Variants in NF1 observed in about 807,000 individuals in gnomAD.
NF1 encodes neurofibromin 1, also known as neurofibromin.
Under a neutral mutation model 325.7 loss-of-function variants are expected in NF1, and 122 were observed. The ratio of observed to expected loss-of-function variants is 0.37; its 90% CI spans 0.32 to 0.44. The LOEUF is 0.44. Among genes scored for constraint, NF1 ranks in the 20% least tolerant of loss-of-function variants. The pLI, the probability that NF1 is intolerant of heterozygous loss-of-function variation, is 1.00. For synonymous variants in NF1, 1,091 were observed against 1,186.0 expected (o/e 0.92, Z 1.65); for missense variants, 2,140 against 3,415.4 (o/e 0.63, Z 9.31).
chr17:31,227,714 T>C (rs534040622), intron 20 of NF1, 108 bp downstream of exon 20: 211 of 933,506 alleles, frequency 2.3e-4, no homozygotes, highest in East Asian at 8.2e-4. Flanking sequence ...TATAGCTGTG[T>C]GAAGACTGAT....
chr17:31,305,599 T>C, intron 36 of NF1: 5 of 1,612,056 alleles, frequency 3.1e-6, no homozygotes, highest in Non-Finnish European at 4.2e-6. Flanking sequence ...GATGAAATAT[T>C]TGGGATCCAT....
At chr17:31,146,085 C>A (rs1488337483) in intron 1 of NF1, among the ~76,000 whole-genome samples, 1 of 152,158 alleles carries the variant, frequency 6.6e-6, no homozygotes, top group Non-Finnish European at 1.5e-5. Context: ...TACTATCTTA[C>A]AATTTCTGTG....
At chr17:31,110,325 T>G (rs1206200351) in intron 1 of NF1, among the ~76,000 whole-genome samples, 1 of 152,134 alleles carries the variant, frequency 6.6e-6, no homozygotes, top group Admixed American at 6.5e-5. Context: ...GAAGAGATCT[T>G]TATAGGTGAG....
chr17:31,130,174 G>C (rs1213750667), intron 1 of NF1, among the ~76,000 whole-genome samples: 1 of 151,736 alleles, frequency 6.6e-6, no homozygotes, highest in Non-Finnish European at 1.5e-5. Context: ...AGGGGCCAGG[G>C]CTCATCTCAG....
intron 5 of NF1, among the ~76,000 whole-genome samples, chr17:31,173,974 C>G (rs2065975466): frequency 6.6e-6 from 1 of 152,140 alleles, no homozygotes; most frequent in Non-Finnish European, 1.5e-5. Flanking sequence ...CAAAGGGGTA[C>G]TTTTAAAAAC....
rs141825380 is a variant in NF1 at position 31,359,203 on chromosome 17, G to A, written c.8160+188G>A. On this transcript the variant is annotated intron_variant, in intron 56 of 57. Coordinates refer to ENST00000358273, the MANE Select transcript of NF1 (RefSeq NM_001042492.3). ...CCAGGAGGCAGCATGGTGTTGGGGT[G>A]TGTGTATTCACTTTTACAAACAAAG... 3.0e-4 allele frequency: 172 copies of A among 570,206 alleles called. 1 individual carries two copies. The East Asian group carries it at 5.0e-3, about 17-fold the overall frequency. The allele number at this position is 570,206 out of a possible 1,614,324, so 35.3% of individuals were successfully genotyped here.
intron 12 of NF1, among the ~76,000 whole-genome samples, chr17:31,212,419 C>T (rs1285892941): frequency 6.6e-6 from 1 of 152,168 alleles, no homozygotes; most frequent in Non-Finnish European, 1.5e-5. Flanking sequence ...ACAAAGTATA[C>T]TATAGTAGGC....
In NF1 at chr17:31,227,570, C is replaced by T. The variant is rs1033227891; in HGVS notation, c.2373C>T (p.Ile791=). 6.2e-7 allele frequency: 1 copy of T among 1,613,824 alleles called. No individual in the cohort carries two copies. Among genetic ancestry groups the T allele is most frequent in the Non-Finnish European group, 8.5e-7 (1 of 1,179,828 alleles). The change falls in exon 20 of 58, where the codon ATC becomes ATT. Residue 791 remains isoleucine, a synonymous_variant. Transcript: ENST00000358273. ...AATGGGAACAAGCAACAAAGCTAAT[C>T]CTTAACTATCCAAAAGCCAAAATGG... is the stretch of plus-strand genomic sequence containing the variant. ...HAKWEQATKL[I]LNYPKAKMED...
At chr17:31,325,132 A>G (rs1016864175) in intron 36 of NF1, among the ~76,000 whole-genome samples, 2 of 152,150 alleles carry the variant, frequency 1.3e-5, no homozygotes, top group African/African-American at 4.8e-5. Context: ...GGCTTATGTA[A>G]CTGAGCAGTC....
chr17:31,341,617 G>GTGTGTGTGTGTGTGTA (rs35130430), intron 47 of NF1, among the ~76,000 whole-genome samples: 2,429 of 148,340 alleles, frequency 0.016, 49 homozygotes, highest in South Asian at 0.076. Context: ...GTGTGTGTGT[G>GTGTGTGTGTGTGTGTA]TGTACACACA....
intron 1 of NF1, among the ~76,000 whole-genome samples, chr17:31,152,329 GT>G (rs1917002946): frequency 6.6e-6 from 1 of 151,286 alleles, no homozygotes; most frequent in South Asian, 2.1e-4. Flanking sequence ...ACAGTTTCAA[GT>G]TTTTAAAAAT....
Position 31,233,189 on chromosome 17 carries a change from C to T in NF1, c.3684C>T (p.Ala1228=), listed in dbSNP as rs200276071. 8.7e-6 allele frequency: 14 copies of T among 1,614,084 alleles called. No individual in the cohort carries two copies. In the South Asian group the frequency reaches 1.4e-4, roughly 16 times the overall value. Residue 1228 remains alanine (A), a synonymous_variant, in exon 27 of 58, where the codon GCC becomes GCT. Transcript: ENST00000358273. ...AACTCCCTATAGCGATGGCTCTGGC[C>T]AATGTGGTTCCTTGTTCTCAGTGGG... ...QGELPIAMAL[A]NVVPCSQWDE...
intron 16 of NF1, among the ~76,000 whole-genome samples, chr17:31,224,798 A>G (rs1207466483): frequency 1.3e-5 from 2 of 152,208 alleles, no homozygotes; most frequent in African/African-American, 4.8e-5. Flanking sequence ...TATAGTTTTC[A>G]TACAGTAGAT....
chr17:31,358,928 A>T (rs776494373), intron 55 of NF1, 41 bp from the exon 56 acceptor site: 3 of 1,558,350 alleles, frequency 1.9e-6, no homozygotes, highest in Non-Finnish European at 2.7e-6. Flanking sequence ...CAATTAAAAG[A>T]TACCTTGCTT....
At chr17:31,245,714 C>G (rs2067378016) in intron 29 of NF1, among the ~76,000 whole-genome samples, 1 of 152,196 alleles carries the variant, frequency 6.6e-6, no homozygotes, top group South Asian at 2.1e-4. Flanking sequence ...TCTCCAGGTG[C>G]ACTACCCTCC....
intron 29 of NF1, among the ~76,000 whole-genome samples, chr17:31,241,105 T>C (rs1207946734): frequency 6.6e-6 from 1 of 152,184 alleles, no homozygotes; most frequent in African/African-American, 2.4e-5. Flanking sequence ...CCCAAACTCC[T>C]GACCTCAAGC....
intron 29 of NF1, among the ~76,000 whole-genome samples, chr17:31,247,786 A>G (rs2067421829): frequency 6.6e-6 from 1 of 152,248 alleles, no homozygotes; most frequent in South Asian, 2.1e-4. Flanking sequence ...ATGGTATACA[A>G]TAGACTATTA....
At chr17:31,213,848 T>G (rs545783616) in intron 12 of NF1, among the ~76,000 whole-genome samples, 13 of 152,284 alleles carry the variant, frequency 8.5e-5, no homozygotes, top group African/African-American at 2.9e-4. Flanking sequence ...ATTTTACAAT[T>G]AAACTAGTAA....
intron 3 of NF1, among the ~76,000 whole-genome samples, chr17:31,162,267 A>G (rs1338172288): frequency 2.0e-5 from 3 of 152,032 alleles, no homozygotes; most frequent in African/African-American, 7.2e-5. Context: ...ACTTGAGGTC[A>G]GGAGTTCGAG....
Sources: allele counts gnomAD v4.1 joint callset (sites outside exome capture counted in the v4.1 genomes callset), GRCh38; gene constraint gnomAD v4.1.1; transcripts MANE v1.5; gene names NCBI Gene and HGNC (gene_info 2026-07-23, HGNC 2026-07-21).